The following VIPR2 variants were observed in gnomAD, a reference collection of about 807,000 sequenced individuals.
VIPR2 encodes vasoactive intestinal polypeptide receptor 2.
VIPR2 carries 48 observed loss-of-function variants against 58.0 expected under a neutral mutation model. The ratio of observed to expected loss-of-function variants is 0.83; its 90% CI spans 0.66 to 1.05. The LOEUF is 1.05. Among genes scored for constraint, VIPR2 ranks in the 50% least tolerant of loss-of-function variants. The pLI is 0.00. For missense variants in VIPR2, 534 were observed against 558.0 expected (o/e 0.96, Z 0.43); for synonymous variants, 243 against 235.2 (o/e 1.03, Z -0.30).
At chr7:159,080,272 A>T (rs1856835657) in intron 4 of VIPR2, among the ~76,000 whole-genome samples, 1 of 152,244 alleles carries the variant, frequency 6.6e-6, no homozygotes, top group South Asian at 2.1e-4. Flanking sequence ...ATCCACCATG[A>T]TAAAGTGGGC....
Position 159,043,128 on chromosome 7 carries a change from G to C in VIPR2, c.504C>G (p.Ser168=). The change falls in exon 6 of 13, where the codon TCC becomes TCG. Residue 168 remains serine (S), a synonymous_variant. Coordinates refer to ENST00000262178, the MANE Select transcript of VIPR2 (RefSeq NM_003382.5). The stretch of plus-strand genomic sequence containing the variant: ...GCACTGAGATGGCTCTCAGGATGAA[G>C]GACAGGAACAGGTTCAGGTGGATGT... ...RNYIHLNLFL[S]FILRAISVLV... 6.2e-7 allele frequency: 1 copy of C among 1,614,012 alleles called. No individual in the cohort carries two copies. The highest frequency in any genetic ancestry group is 8.5e-7 in the Non-Finnish European group (1 of 1,179,994).
chr7:159,134,932 C>A (rs1304808261), intron 2 of VIPR2, among the ~76,000 whole-genome samples: 2 of 149,612 alleles, frequency 1.3e-5, no homozygotes, highest in African/African-American at 4.9e-5. Context: ...GCTGGGATTA[C>A]AGGAATGAGT....
intron 5 of VIPR2, among the ~76,000 whole-genome samples, chr7:159,044,196 G>T (rs547720487): frequency 5.9e-4 from 90 of 152,150 alleles, no homozygotes; most frequent in African/African-American, 2.1e-3. Flanking sequence ...TTGACTCCAG[G>T]TGTTTGTGGA....
intron 2 of VIPR2, among the ~76,000 whole-genome samples, chr7:159,135,544 C>T (rs372190167): frequency 5.9e-5 from 9 of 152,022 alleles, no homozygotes; most frequent in African/African-American, 1.7e-4. Flanking sequence ...GGGAGGAGGC[C>T]GGGCACAGTG....
At chr7:159,094,588 G>A (rs1365361145) in intron 4 of VIPR2, among the ~76,000 whole-genome samples, 1 of 152,224 alleles carries the variant, frequency 6.6e-6, no homozygotes. Flanking sequence ...CCCCAAGTGA[G>A]CCTGCGGTGA....
rs1042758636 is a variant in VIPR2 at position 159,095,309 on chromosome 7, C to T, written c.357+8448G>A. Among the ~76,000 whole-genome samples, 2 of 152,136 alleles carry T rather than the reference C, an allele frequency of 1.3e-5. No individual in the cohort carries two copies. Among genetic ancestry groups the T allele is most frequent in the African/African-American group, 2.4e-5 (1 of 41,436 alleles). On this transcript the variant is annotated intron_variant, in intron 4 of 12. Coordinates refer to ENST00000262178, the MANE Select transcript of VIPR2 (RefSeq NM_003382.5). This position sits in a 1 kb window ranked among gnomAD's most constrained non-coding sequence, Gnocchi z 5.2. ...TCCTAACATTTAAGGGGTGAAAAGG[C>T]GTGTGTGCAAGTGACTGTGTGCTGC...
intron 2 of VIPR2, among the ~76,000 whole-genome samples, chr7:159,119,951 C>T (rs1279218514): frequency 6.6e-6 from 1 of 152,198 alleles, no homozygotes; most frequent in East Asian, 1.9e-4. Flanking sequence ...ATGCTTGTCC[C>T]CTTGATGCAC....
chr7:159,118,192 G>A (rs1796316086), intron 2 of VIPR2, among the ~76,000 whole-genome samples: 1 of 152,178 alleles, frequency 6.6e-6, no homozygotes, highest in African/African-American at 2.4e-5. Context: ...GAAGGTGGGT[G>A]TTTAAATACC....
intron 4 of VIPR2, among the ~76,000 whole-genome samples, chr7:159,062,282 G>C (rs1855728041): frequency 6.6e-6 from 1 of 152,222 alleles, no homozygotes; most frequent in African/African-American, 2.4e-5. Context: ...GCTCGGGTCT[G>C]GGGGTCCTGG....
intron 2 of VIPR2, among the ~76,000 whole-genome samples, chr7:159,124,493 T>C (rs768249587): frequency 5.9e-5 from 9 of 152,290 alleles, no homozygotes; most frequent in South Asian, 2.1e-4. Flanking sequence ...CTATTCTCCA[T>C]TGGTCTATGT....
At chr7:159,101,906 C>T (rs558221906) in intron 4 of VIPR2, among the ~76,000 whole-genome samples, 8 of 146,250 alleles carry the variant, frequency 5.5e-5, no homozygotes, top group South Asian at 2.2e-4. Flanking sequence ...TCACGAGATC[C>T]GACGAGGCGG....
At chr7:159,117,162 G>A (rs902478851) in intron 2 of VIPR2, 13 of 621,970 alleles carry the variant, frequency 2.1e-5, no homozygotes, top group East Asian at 5.5e-5. Flanking sequence ...GACGGAGTGC[G>A]GGAGCCAGCC....
At chr7:159,032,998 G>A (rs1853685087) in intron 10 of VIPR2, among the ~76,000 whole-genome samples, 1 of 151,944 alleles carries the variant, frequency 6.6e-6, no homozygotes, top group African/African-American at 2.4e-5. Flanking sequence ...TGGGCAAGCA[G>A]AGACGGGATA....
intron 2 of VIPR2, among the ~76,000 whole-genome samples, chr7:159,137,895 T>C (rs552214589): frequency 2.6e-5 from 4 of 152,086 alleles, no homozygotes; most frequent in South Asian, 4.2e-4. Context: ...AGGAAAGATA[T>C]AGGCACCTTT....
chr7:159,101,644 G>C (rs113356706), intron 4 of VIPR2, among the ~76,000 whole-genome samples: 190 of 142,986 alleles, frequency 1.3e-3, no homozygotes, highest in African/African-American at 4.6e-3. Context: ...GAGATCCGAC[G>C]AGGCCGTTCC....
chr7:159,095,426 A>G lies in VIPR2; in HGVS notation c.357+8331T>C, dbSNP rs544181923. Reference sequence around the variant, plus strand: ...GGCCCTGTTCTTGCAACTAACTTCAAAACAGCTGCTAAGAAAGATACAGCA... The same window carrying G: ...GGCCCTGTTCTTGCAACTAACTTCAGAACAGCTGCTAAGAAAGATACAGCA... On this transcript the variant is annotated intron_variant, in intron 4 of 12. Transcript: ENST00000262178. This position sits in a 1 kb window ranked among gnomAD's most constrained non-coding sequence, Gnocchi z 5.2. 6.6e-6 allele frequency among the ~76,000 whole-genome samples: 1 copy of G among 152,260 alleles called. No individual in the cohort carries two copies. The highest frequency in any genetic ancestry group is 2.1e-4 in the South Asian group (1 of 4,818).
intron 4 of VIPR2, among the ~76,000 whole-genome samples, chr7:159,077,247 G>A (rs916080223): frequency 6.6e-6 from 1 of 152,082 alleles, no homozygotes; most frequent in Admixed American, 6.5e-5. Context: ...CAGTGTACCT[G>A]TTATCAGATT....
chr7:159,035,233 C>T (rs749761671), intron 8 of VIPR2, among the ~76,000 whole-genome samples: 2 of 152,170 alleles, frequency 1.3e-5, no homozygotes, highest in South Asian at 2.1e-4. Flanking sequence ...GGCTTGGGTC[C>T]ATGCTTTCCC....
chr7:159,097,248 G>A lies in VIPR2; in HGVS notation c.357+6509C>T. On this transcript the variant is annotated intron_variant, in intron 4 of 12. Coordinates refer to ENST00000262178, the MANE Select transcript of VIPR2 (RefSeq NM_003382.5). The surrounding 1 kb of genome is among the most constrained non-coding windows in gnomAD (Gnocchi z 5.3). ...TCACTGCGGTGGCCTGAGTGCTGGA[G>A]GAGGGCAGAGGCTTATTTTTAGGGA... 7.2e-7 allele frequency: 1 copy of A among 1,388,576 alleles called. No individual in the cohort carries two copies. The highest frequency in any genetic ancestry group is 9.3e-7 in the Non-Finnish European group (1 of 1,070,784). The allele number at this position is 1,388,576 out of a possible 1,614,324, so 86.0% of individuals were successfully genotyped here. A position where few individuals can be genotyped will look rare whatever the true frequency, so the allele number is the denominator to read the frequency against.
Sources: gnomAD v4.1 joint callset for allele counts (sites outside exome capture counted in the v4.1 genomes callset) on GRCh38, gnomAD v4.1.1 for gene constraint, Gnocchi (gnomAD v3.1) non-coding constraint, MANE v1.5 for transcripts, NCBI Gene and HGNC (gene_info 2026-07-23, HGNC 2026-07-21) for gene names.